Variants in ALCAM observed in about 807,000 individuals in gnomAD.
ALCAM encodes CD166 antigen.
Under a neutral mutation model 70.9 loss-of-function variants are expected in ALCAM, and 30 were observed. The ratio of observed to expected loss-of-function variants is 0.42; its 90% confidence interval spans 0.32 to 0.57. ALCAM has a LOEUF of 0.57. ALCAM is among the 20% of genes least tolerant of loss of function. ALCAM has a pLI of 0.11. For synonymous variants in ALCAM, 249 were observed against 242.5 expected (o/e 1.03, Z -0.25); for missense variants, 591 against 695.1 (o/e 0.85, Z 1.68).
At chr3:105,468,994 T>C (rs1937834510) in intron 1 of ALCAM, among the ~76,000 whole-genome samples, 1 of 94,276 alleles carries the variant, frequency 1.1e-5, no homozygotes, top group African/African-American at 4.1e-5. Context: ...AAAGAACCAG[T>C]TCTTTTGAAC....
At chr3:105,539,813 A>G (rs966170064) in intron 6 of ALCAM, among the ~76,000 whole-genome samples, 162 bp from the exon 7 acceptor site, 2 of 152,112 alleles carry the variant, frequency 1.3e-5, no homozygotes, top group Admixed American at 1.3e-4. Context: ...CTTGTATAGC[A>G]AGTAGCTATT....
chr3:105,523,896 T>G (rs1939620580), intron 2 of ALCAM, among the ~76,000 whole-genome samples: 1 of 152,226 alleles, frequency 6.6e-6, no homozygotes, highest in Admixed American at 6.5e-5. Flanking sequence ...TTGCCCAAAA[T>G]ATCCAAACCA....
At chr3:105,537,405 A>G (rs543207932) in intron 6 of ALCAM, among the ~76,000 whole-genome samples, 73 of 152,252 alleles carry the variant, frequency 4.8e-4, no homozygotes, top group Middle Eastern at 3.4e-3. Flanking sequence ...TTTCTAAAAC[A>G]CAAATGTGAC....
intron 6 of ALCAM, among the ~76,000 whole-genome samples, chr3:105,537,143 CACTCCTTTCTTACCCT>C (rs1313530860): frequency 7.7e-6 from 1 of 129,596 alleles, no homozygotes; most frequent in Non-Finnish European, 1.7e-5. Flanking sequence ...TGCACCAGTC[CACTCCTTTCTTACCCT>C]ATTCAATCAG....
chr3:105,431,009 T>A (rs1936916646), intron 1 of ALCAM, among the ~76,000 whole-genome samples: 1 of 152,102 alleles, frequency 6.6e-6, no homozygotes, highest in African/African-American at 2.4e-5. Flanking sequence ...ATAGTAGACG[T>A]TAATGGTAAT....
chr3:105,460,595 C>T (rs772019832), intron 1 of ALCAM, among the ~76,000 whole-genome samples: 70 of 152,024 alleles, frequency 4.6e-4, no homozygotes, highest in Middle Eastern at 3.4e-3. Context: ...GACAAGAACT[C>T]ACAGAGAGAA....
At chr3:105,418,961 A>T (rs1936575849) in intron 1 of ALCAM, among the ~76,000 whole-genome samples, 1 of 151,634 alleles carries the variant, frequency 6.6e-6, no homozygotes, top group African/African-American at 2.4e-5. Context: ...TCCTTATCAA[A>T]TCCCATTTTC....
chr3:105,415,364 C>T (rs1356515145), intron 1 of ALCAM, among the ~76,000 whole-genome samples: 1 of 152,032 alleles, frequency 6.6e-6, no homozygotes, highest in Non-Finnish European at 1.5e-5. Flanking sequence ...GGAAGCCCAG[C>T]AAATAAAAGA....
chr3:105,527,650 C>T (rs1235398332), intron 3 of ALCAM, among the ~76,000 whole-genome samples: 1 of 151,672 alleles, frequency 6.6e-6, no homozygotes, highest in Non-Finnish European at 1.5e-5. Flanking sequence ...AATTTGAAAA[C>T]CACACCCTGT....
At chr3:105,568,053 A>ATTTATTTTTTT (rs1559659901) in intron 14 of ALCAM, among the ~76,000 whole-genome samples, 1 of 101,888 alleles carries the variant, frequency 9.8e-6, no homozygotes, top group African/African-American at 3.7e-5. Flanking sequence ...TTATTATTTT[A>ATTTATTTTTTT]TTTTATTTTA....
intron 1 of ALCAM, among the ~76,000 whole-genome samples, chr3:105,441,677 A>G (rs1937173562): frequency 2.0e-5 from 3 of 152,136 alleles, no homozygotes; most frequent in Non-Finnish European, 2.9e-5. Flanking sequence ...TCACCTTCCA[A>G]TGTCTGTTTT....
chr3:105,537,771 A>G (rs764060936), intron 6 of ALCAM, among the ~76,000 whole-genome samples: 3 of 152,110 alleles, frequency 2.0e-5, no homozygotes, highest in Non-Finnish European at 4.4e-5. Flanking sequence ...CATACTCTTA[A>G]TTATTAAGTT....
At chr3:105,404,765 C>T (rs1197335322) in intron 1 of ALCAM, among the ~76,000 whole-genome samples, 1 of 151,826 alleles carries the variant, frequency 6.6e-6, no homozygotes, top group Non-Finnish European at 1.5e-5. Flanking sequence ...TGTAAATGAC[C>T]TAAATGCTCC....
chr3:105,450,910 C>A (rs1039298270), intron 1 of ALCAM, among the ~76,000 whole-genome samples: 2 of 151,934 alleles, frequency 1.3e-5, no homozygotes, highest in Non-Finnish European at 2.9e-5. Flanking sequence ...ATTTAAACTT[C>A]GTTCAGAAGA....
intron 2 of ALCAM, among the ~76,000 whole-genome samples, chr3:105,523,139 CAAAAAAAAA>C (rs59478384): frequency 9.2e-5 from 8 of 87,016 alleles, no homozygotes; most frequent in South Asian, 8.8e-4. Context: ...GACTCCGTCT[CAAAAAAAAA>C]AAAAAAAAAA....
intron 1 of ALCAM, among the ~76,000 whole-genome samples, chr3:105,442,800 G>T (rs1459910525): frequency 6.6e-6 from 1 of 151,708 alleles, no homozygotes; most frequent in Non-Finnish European, 1.5e-5. Context: ...AAGAAAGAAA[G>T]AAATTACATT....
At chr3:105,555,023 A>G (rs1359586684) in intron 14 of ALCAM, among the ~76,000 whole-genome samples, 1 of 151,918 alleles carries the variant, frequency 6.6e-6, no homozygotes, top group Non-Finnish European at 1.5e-5. Flanking sequence ...ATCTCATCAG[A>G]CACCATTTGT....
rs996699080 is a variant in ALCAM at position 105,367,306 on chromosome 3, C to T, written c.-103C>T. ...GGTGTGTCTGGGAGAAGACGCTGCC[C>T]CTGCGTCGGGACCCGCCAGCGCGCG... is the stretch of plus-strand genomic sequence containing the variant. On this transcript the variant is annotated 5_prime_UTR_variant, in exon 1 of 16. Transcript: ENST00000306107. 4.3e-6 allele frequency: 5 copies of T among 1,155,978 alleles called. No homozygotes were observed. Among genetic ancestry groups the T allele is most frequent in the African/African-American group, 1.5e-5 (1 of 65,214 alleles). 71.6% of individuals were successfully genotyped at this position (1,155,978 alleles called of 1,614,324 possible).
intron 1 of ALCAM, among the ~76,000 whole-genome samples, chr3:105,477,134 G>T (rs1297120634): frequency 1.3e-5 from 2 of 151,850 alleles, no homozygotes; most frequent in Non-Finnish European, 2.9e-5. Flanking sequence ...CCAGTTTCAG[G>T]TATGTCTTTA....
Sources: allele counts gnomAD v4.1 joint callset (sites outside exome capture counted in the v4.1 genomes callset), GRCh38; gene constraint gnomAD v4.1.1; transcripts MANE v1.5; gene names NCBI Gene and HGNC (gene_info 2026-07-23, HGNC 2026-07-21).